MEIS2: variants seen among roughly 807,000 people sequenced by gnomAD.
MEIS2 encodes the protein homeobox protein Meis2.
MEIS2 carries 9 observed loss-of-function variants against 58.6 expected under a neutral mutation model. The observed-to-expected ratio is 0.15, with a 90% CI of 0.09 to 0.27. The LOEUF is 0.27. Ranked by LOEUF, MEIS2 falls within the 10% of genes least tolerant of loss-of-function variation. MEIS2 has a pLI of 1.00. For missense variants in MEIS2, 427 were observed against 635.0 expected (o/e 0.67, Z 3.52); for synonymous variants, 221 against 228.4 (o/e 0.97, Z 0.29).
At chr15:37,028,451 T>C (rs1595959620) in intron 8 of MEIS2, among the ~76,000 whole-genome samples, 1 of 152,200 alleles carries the variant, frequency 6.6e-6, no homozygotes, top group African/African-American at 2.4e-5. Flanking sequence ...ATATGCAATT[T>C]TTCCCCCTCA....
At chr15:36,911,289 G>GTA (rs963510029) in intron 9 of MEIS2, among the ~76,000 whole-genome samples, 4 of 151,408 alleles carry the variant, frequency 2.6e-5, no homozygotes, top group African/African-American at 9.7e-5. Flanking sequence ...GTGTGTGTGT[G>GTA]TATGTATATA....
Position 36,963,379 on chromosome 15 carries a change from CAAAAAA to C in MEIS2, c.901-12985_901-12980del, listed in dbSNP as rs60924393. ...CGGGTGACAGTGCGAGACTCCATCT[CAAAAAA>C]AAAAAAAAAAGAGTGAAACTTGGAT... On this transcript the variant is annotated intron_variant, in intron 8 of 11. Transcript: ENST00000561208. 7.3e-4 allele frequency among the ~76,000 whole-genome samples: 89 copies of C among 121,908 alleles called. No individual in the cohort carries two copies. In the East Asian group the frequency reaches 0.02, roughly 28 times the overall value. The allele number at this position is 121,908 out of a possible 152,430, so 80.0% of individuals were successfully genotyped here. A position where few individuals can be genotyped will look rare whatever the true frequency, so the allele number is the denominator to read the frequency against.
At chr15:37,084,230 A>G (rs1892601178) in intron 6 of MEIS2, among the ~76,000 whole-genome samples, 2 of 152,160 alleles carry the variant, frequency 1.3e-5, no homozygotes. Flanking sequence ...TGTAAAAGTC[A>G]TTTTTACTCT....
chr15:36,932,304 T>C (rs976296563), intron 9 of MEIS2, among the ~76,000 whole-genome samples: 2 of 152,238 alleles, frequency 1.3e-5, no homozygotes, highest in East Asian at 1.9e-4. Flanking sequence ...GTGCATATGA[T>C]GCGCCCTGGA....
chr15:37,070,679 A>C (rs1173191373), intron 7 of MEIS2, among the ~76,000 whole-genome samples: 4 of 152,140 alleles, frequency 2.6e-5, no homozygotes. Context: ...TAAATATTGA[A>C]GAAGATATAT....
At chr15:37,014,643 G>A (rs147447903) in intron 8 of MEIS2, among the ~76,000 whole-genome samples, 3,788 of 152,236 alleles carry the variant, frequency 0.025, 79 homozygotes, top group Non-Finnish European at 0.036. Context: ...CACTCAGGCA[G>A]GTTTCCTGGA....
chr15:37,033,585 G>T (rs1176870465), intron 8 of MEIS2, among the ~76,000 whole-genome samples: 1 of 152,182 alleles, frequency 6.6e-6, no homozygotes, highest in Non-Finnish European at 1.5e-5. Flanking sequence ...ATTGAATCAT[G>T]CACTTGTAAA....
chr15:36,911,206 T>C (rs1049911557), intron 9 of MEIS2, among the ~76,000 whole-genome samples: 1 of 152,318 alleles, frequency 6.6e-6, no homozygotes, highest in Admixed American at 6.5e-5. Context: ...TTGGGTATTT[T>C]ACTATGCCTA....
At chr15:37,066,635 T>G (rs546971934) in intron 7 of MEIS2, 1 of 152,332 alleles carries the variant, frequency 6.6e-6, no homozygotes, top group African/African-American at 2.4e-5. Flanking sequence ...AGACATAACT[T>G]GAGTTTTAAA....
intron 8 of MEIS2, among the ~76,000 whole-genome samples, chr15:37,008,399 T>C (rs73393536): frequency 0.03 from 4,528 of 152,304 alleles, 243 homozygotes; most frequent in African/African-American, 0.1. Context: ...GATTTGTAAA[T>C]GAGTGTAGGT....
chr15:37,084,379 C>G (rs1350019115), intron 6 of MEIS2, among the ~76,000 whole-genome samples: 1 of 152,084 alleles, frequency 6.6e-6, no homozygotes, highest in Non-Finnish European at 1.5e-5. Context: ...ATGGGACAGC[C>G]CTTGACATCT....
In MEIS2 at chr15:37,085,092, T is replaced by A. The variant is rs564088694; in HGVS notation, c.640-1207A>T. Among the ~76,000 whole-genome samples the A allele has an allele frequency of 3.3e-5, 5 of 152,224 alleles. No homozygotes were observed. In the South Asian group the frequency reaches 1.0e-3, roughly 32 times the overall value. ...ATACACCAATCAAAGTATACAAATT[T>A]TACAAAGTATACACCAATCGAAGTA... On this transcript the variant is annotated intron_variant, in intron 6 of 11. Transcript: ENST00000561208.
chr15:37,072,981 T>C (rs1890912496), intron 7 of MEIS2, among the ~76,000 whole-genome samples: 1 of 152,110 alleles, frequency 6.6e-6, no homozygotes, highest in South Asian at 2.1e-4. Flanking sequence ...TTCGTTTACC[T>C]TTCTGAGTTG....
intron 9 of MEIS2, among the ~76,000 whole-genome samples, chr15:36,902,509 A>G (rs904667758): frequency 5.3e-5 from 8 of 152,244 alleles, no homozygotes; most frequent in African/African-American, 1.9e-4. Context: ...ATGGACCAGT[A>G]GCAACATCAC....
At chr15:37,030,002 A>C (rs2061850444) in intron 8 of MEIS2, among the ~76,000 whole-genome samples, 1 of 151,802 alleles carries the variant, frequency 6.6e-6, no homozygotes, top group East Asian at 1.9e-4. Context: ...CGTCTCTACA[A>C]TCAATCAATC....
At chr15:37,011,020 T>C (rs144652463) in intron 8 of MEIS2, among the ~76,000 whole-genome samples, 1 of 152,312 alleles carries the variant, frequency 6.6e-6, no homozygotes, top group Non-Finnish European at 1.5e-5. Flanking sequence ...AACAAAACAA[T>C]AGTCTATTGC....
chr15:37,009,275 C>T (rs1255105017), intron 8 of MEIS2, among the ~76,000 whole-genome samples: 3 of 151,594 alleles, frequency 2.0e-5, no homozygotes, highest in Non-Finnish European at 4.4e-5. Context: ...GGCGACAGAG[C>T]GAGACTCCGT....
At chr15:36,920,845 A>T (rs1234093736) in intron 9 of MEIS2, among the ~76,000 whole-genome samples, 2 of 152,194 alleles carry the variant, frequency 1.3e-5, no homozygotes, top group Non-Finnish European at 2.9e-5. Flanking sequence ...GTTGTTCTAC[A>T]TCCTTTACCT....
At chr15:37,078,915 A>G (rs981542665) in intron 7 of MEIS2, among the ~76,000 whole-genome samples, 3 of 152,108 alleles carry the variant, frequency 2.0e-5, no homozygotes, top group Admixed American at 2.0e-4. Context: ...AAGTTGATAC[A>G]TATAGGAAGA....
Sources: gnomAD v4.1 joint callset for allele counts (sites outside exome capture counted in the v4.1 genomes callset) on GRCh38, gnomAD v4.1.1 for gene constraint, MANE v1.5 for transcripts, NCBI Gene and HGNC (gene_info 2026-07-23, HGNC 2026-07-21) for gene names.